The following ADAMTS20 variants were observed in gnomAD, a reference collection of about 807,000 sequenced individuals.
ADAMTS20 encodes A disintegrin and metalloproteinase with thrombospondin motifs 20.
Under a neutral mutation model 260.1 loss-of-function variants are expected in ADAMTS20, and 225 were observed. The observed-to-expected ratio is 0.87, with a 90% CI of 0.78 to 0.97. The LOEUF (loss-of-function observed/expected upper bound fraction) is 0.97, where lower values mean the gene tolerates loss of function less well. Among genes scored for constraint, ADAMTS20 ranks in the 50% least tolerant of loss-of-function variants. The pLI is 0.00. For synonymous variants in ADAMTS20, 802 were observed against 769.5 expected (o/e 1.04, Z -0.70); for missense variants, 2,400 against 2,337.7 (o/e 1.03, Z -0.55).
chr12:43,396,796 A>G (rs1310707650), intron 29 of ADAMTS20, among the ~76,000 whole-genome samples: 1 of 152,150 alleles, frequency 6.6e-6, no homozygotes, highest in East Asian at 1.9e-4. Context: ...ACTATTGTGG[A>G]GCTGGAGGTT....
chr12:43,426,740 A>G (rs1331171319), intron 27 of ADAMTS20, among the ~76,000 whole-genome samples: 1 of 152,220 alleles, frequency 6.6e-6, no homozygotes, highest in East Asian at 1.9e-4. Flanking sequence ...CTATTTTTAT[A>G]TCAACCTAAT....
At chr12:43,356,990 T>C (rs1939760447) in intron 37 of ADAMTS20, among the ~76,000 whole-genome samples, 1 of 152,182 alleles carries the variant, frequency 6.6e-6, no homozygotes, top group African/African-American at 2.4e-5. Flanking sequence ...ATTATTTTCC[T>C]GGCAATTACA....
At chr12:43,356,012 A>G (rs1323585504) in intron 38 of ADAMTS20, among the ~76,000 whole-genome samples, 1 of 152,200 alleles carries the variant, frequency 6.6e-6, no homozygotes, top group Non-Finnish European at 1.5e-5. Context: ...ACTGTGAAGA[A>G]TATTTGTTAA....
chr12:43,425,791 G>C (rs994727092), intron 27 of ADAMTS20, 101 bp from the exon 28 acceptor site: 8 of 811,810 alleles, frequency 9.9e-6, no homozygotes, highest in Middle Eastern at 3.9e-4. Flanking sequence ...GTTTATTCTA[G>C]TAATTTTAAC....
chr12:43,542,664 C>G (rs1449027721), intron 2 of ADAMTS20, among the ~76,000 whole-genome samples: 1 of 152,044 alleles, frequency 6.6e-6, no homozygotes, highest in East Asian at 1.9e-4. Context: ...ATAATAAGTT[C>G]TTGGCATTAA....
intron 7 of ADAMTS20, among the ~76,000 whole-genome samples, chr12:43,476,915 C>A (rs1421818785): frequency 6.7e-6 from 1 of 149,566 alleles, no homozygotes; most frequent in South Asian, 2.1e-4. Context: ...TTAGTGGGTG[C>A]AGCACACCAG....
intron 2 of ADAMTS20, among the ~76,000 whole-genome samples, chr12:43,542,259 AAAT>A (rs1943386613): frequency 1.3e-5 from 2 of 152,242 alleles, no homozygotes; most frequent in African/African-American, 4.8e-5. Context: ...GAGAAATTTA[AAAT>A]AATAAGAAAT....
chr12:43,550,052 A>G (rs1943491314), intron 2 of ADAMTS20, among the ~76,000 whole-genome samples: 1 of 152,166 alleles, frequency 6.6e-6, no homozygotes, highest in Non-Finnish European at 1.5e-5. Flanking sequence ...TTTCTTGAAT[A>G]TGTATTTGTC....
chr12:43,377,250 A>T (rs1940249474), intron 32 of ADAMTS20, 115 bp downstream of exon 32: 1 of 808,508 alleles, frequency 1.2e-6, no homozygotes, highest in Non-Finnish European at 1.8e-6. Flanking sequence ...GATTTTAGAA[A>T]ATAGTGGTCT....
intron 11 of ADAMTS20, 117 bp from the exon 12 acceptor site, chr12:43,454,169 C>T (rs934266599): frequency 4.3e-6 from 5 of 1,154,036 alleles, no homozygotes; most frequent in East Asian, 2.6e-5. Context: ...TTGAAGCTAG[C>T]TGTTATTAAT....
At chr12:43,386,529 C>T (rs11182047) in intron 29 of ADAMTS20, among the ~76,000 whole-genome samples, 13,605 of 152,108 alleles carry the variant, frequency 0.089, 1,065 homozygotes, top group East Asian at 0.45. Context: ...TGAATGTTGG[C>T]CTGTCTTACT....
rs147916368 is a variant in ADAMTS20, at chr12:43,356,669, G to C, written c.5539-81C>G. 2.4e-4 allele frequency: 231 copies of C among 954,684 alleles called. 3 individuals carry two copies. The African/African-American group carries it at 2.8e-3, about 12-fold the overall frequency. The allele number at this position is 954,684 out of a possible 1,614,324, so 59.1% of individuals were successfully genotyped here. On this transcript the variant is annotated intron_variant, in intron 37 of 38. Coordinates refer to ENST00000389420, the MANE Select transcript of ADAMTS20 (RefSeq NM_025003.5). ...CAAATAAGTCTTCTCAATTGCAAGGGGCAACTGAATTAATACTATATAATG... is the reference window on the plus strand; with the variant it reads ...CAAATAAGTCTTCTCAATTGCAAGGCGCAACTGAATTAATACTATATAATG...
chr12:43,431,749 C>T (rs1431276051), intron 21 of ADAMTS20, among the ~76,000 whole-genome samples: 1 of 152,122 alleles, frequency 6.6e-6, no homozygotes, highest in Non-Finnish European at 1.5e-5. Flanking sequence ...AAGTATTCAT[C>T]CCAGGCTGCT....
chr12:43,485,920 T>C (rs960923985), intron 7 of ADAMTS20, among the ~76,000 whole-genome samples: 1 of 151,840 alleles, frequency 6.6e-6, no homozygotes, highest in Non-Finnish European at 1.5e-5. Context: ...AAAGAAAACA[T>C]AGATGAATAA....
chr12:43,404,003 G>T (rs566316501), intron 28 of ADAMTS20, among the ~76,000 whole-genome samples: 1 of 152,010 alleles, frequency 6.6e-6, no homozygotes, highest in South Asian at 2.1e-4. Flanking sequence ...TTTCCTTCTC[G>T]AAACTCCCTT....
rs779617937 is a variant in ADAMTS20, at chr12:43,466,773, T to C, written c.1246A>G (p.Asn416Asp). 1 of 1,601,768 alleles carries C rather than the reference T, an allele frequency of 6.2e-7. No individual in the cohort carries two copies. The highest frequency in any genetic ancestry group is 8.5e-7 in the Non-Finnish European group (1 of 1,173,204). The change falls in exon 9 of 39, where the codon AAT (asparagine) becomes GAT (aspartate). Residue 416 changes from asparagine (N) to aspartate (D), a missense_variant. Coordinates refer to ENST00000389420, the MANE Select transcript of ADAMTS20 (RefSeq NM_025003.5). ...ACTTTCATTTCTTTACATCTAGGAT[T>C]ATCATCATGTTGAACACCAAGTCTA... The part of the protein sequence containing the change: ...GHTLGVQHDD[N>D]PRCKEMKVTK...
intron 26 of ADAMTS20, 81 bp from the exon 27 acceptor site, chr12:43,427,550 A>T: frequency 7.5e-7 from 1 of 1,334,872 alleles, no homozygotes; most frequent in Non-Finnish European, 9.9e-7. Context: ...AAAAATCAGC[A>T]TTGACTCAAT....
chr12:43,494,288 T>G (rs377177029), intron 4 of ADAMTS20, among the ~76,000 whole-genome samples: 10 of 152,290 alleles, frequency 6.6e-5, no homozygotes, highest in African/African-American at 2.4e-4. Flanking sequence ...CAGATATAGA[T>G]AAGAGGACAA....
Position 43,376,553 on chromosome 12 carries a change from C to G in ADAMTS20, c.5096G>C (p.Gly1699Ala), listed in dbSNP as rs773547254. Reference sequence around the variant, plus strand: ...ATTGGCATAACATTTCTTTTGAGCACCTGGTTTTAAATGGTTTAAACATAA... The same window carrying G: ...ATTGGCATAACATTTCTTTTGAGCAGCTGGTTTTAAATGGTTTAAACATAA... ...SDLCLNHLKP[G>A]AQKKCYANDC... Residue 1699 changes from glycine (G) to alanine (A), a missense_variant, in exon 33 of 39, where the codon GGT becomes GCT. By Grantham distance (60) the Gly-to-Ala change is moderately conservative (BLOSUM62 0). Transcript: ENST00000389420. 3 of 1,613,280 alleles carry G rather than the reference C, an allele frequency of 1.9e-6. No homozygotes were observed. Among genetic ancestry groups the G allele is most frequent in the Non-Finnish European group, 2.5e-6 (3 of 1,179,722 alleles).
Sources: allele counts gnomAD v4.1 joint callset (sites outside exome capture counted in the v4.1 genomes callset), GRCh38; gene constraint gnomAD v4.1.1; transcripts MANE v1.5; gene names NCBI Gene and HGNC (gene_info 2026-07-23, HGNC 2026-07-21).